The following BCLAF1 variants were observed in gnomAD, a reference collection of about 807,000 sequenced individuals.
BCLAF1 encodes the protein bcl-2-associated transcription factor 1.
Under a neutral mutation model 99.5 loss-of-function variants are expected in BCLAF1, and 10 were observed. The observed-to-expected ratio is 0.10, with a 90% confidence interval of 0.06 to 0.17. The LOEUF (loss-of-function observed/expected upper bound fraction) is 0.17, where lower values mean the gene tolerates loss of function less well. BCLAF1 is among the 10% of genes least tolerant of loss of function. The pLI is 1.00. For missense variants in BCLAF1, 636 were observed against 1,105.8 expected (o/e 0.58, Z 6.02); for synonymous variants, 255 against 370.9 (o/e 0.69, Z 3.59).
At chr6:136,266,224 C>A (rs1781696236) in intron 11 of BCLAF1, among the ~76,000 whole-genome samples, 1 of 152,064 alleles carries the variant, frequency 6.6e-6, no homozygotes, top group Non-Finnish European at 1.5e-5. Context: ...AAAAAGCCAA[C>A]TGAAAAAGTC....
chr6:136,279,670 T>C (rs1270797632), intron 3 of BCLAF1, 93 bp downstream of exon 3: 5 of 1,205,184 alleles, frequency 4.1e-6, no homozygotes, highest in Non-Finnish European at 5.3e-6. Flanking sequence ...GAGAATAAAA[T>C]ACATTTTGGG....
chr6:136,278,651 C>A lies in BCLAF1; in HGVS notation c.230G>T (p.Gly77Val). ...TCCTCCTCCTTGATAATACCCTCTACCCCTTCCTCTGTACCCATAAGGTCG... is the reference window on the plus strand; with the variant it reads ...TCCTCCTCCTTGATAATACCCTCTAACCCTTCCTCTGTACCCATAAGGTCG... Reference protein sequence around the residue: ...MRRPYGYRGRGRGYYQGGGGR... With the variant: ...MRRPYGYRGRVRGYYQGGGGR... Residue 77 changes from glycine (G) to valine (V), a missense_variant, in exon 4 of 13, where the codon GGT (glycine) becomes GTT (valine). Gly to Val is a moderately radical substitution (Grantham distance 109, BLOSUM62 -3). Around this residue, in one of 9 missense-constraint regions of BCLAF1, gnomAD observed 81 missense variants for 132.5 expected, o/e 0.61. Coordinates refer to ENST00000531224, the MANE Select transcript of BCLAF1 (RefSeq NM_014739.3). 4.3e-6 allele frequency: 7 copies of A among 1,613,402 alleles called. No individual in the cohort carries two copies. Among genetic ancestry groups the A allele is most frequent in the Non-Finnish European group, 5.9e-6 (7 of 1,179,870 alleles).
chr6:136,272,578 A>AT (rs1238236178), intron 7 of BCLAF1, among the ~76,000 whole-genome samples: 3 of 151,926 alleles, frequency 2.0e-5, no homozygotes, highest in Non-Finnish European at 2.9e-5. Flanking sequence ...TTCATAGCCA[A>AT]TATCACTGTC....
In BCLAF1 at chr6:136,261,410, C is replaced by T. The variant is rs766033385; in HGVS notation, c.2612G>A (p.Arg871His). The T allele has an allele frequency of 3.1e-6, 5 of 1,613,716 alleles. No individual in the cohort carries two copies. The highest frequency in any genetic ancestry group is 1.3e-5 in the African/African-American group (1 of 74,882). The change falls in exon 12 of 13, where the codon CGT becomes CAT. Residue 871 changes from arginine (R) to histidine (H), a missense_variant. Arg to His is a conservative substitution (Grantham distance 29). Coordinates refer to ENST00000531224, the MANE Select transcript of BCLAF1 (RefSeq NM_014739.3). ...KRGRGRGTFQ[R>H]GRGRFNFKKS... is the part of the protein sequence containing the mutation. Reference sequence around the variant, plus strand: ...TTTGAAGTTAAAGCGCCCTCTGCCACGTTGAAAAGTACCACGACCTCTTCC... The same window carrying T: ...TTTGAAGTTAAAGCGCCCTCTGCCATGTTGAAAAGTACCACGACCTCTTCC...
Position 136,271,498 on chromosome 6 carries a change from G to A in BCLAF1, c.2043+497C>T, listed in dbSNP as rs115278438. On this transcript the variant is annotated intron_variant, in intron 8 of 12. Coordinates refer to ENST00000531224, the MANE Select transcript of BCLAF1 (RefSeq NM_014739.3). ...TTCCCCCAATCCCCAAACATTCCAA[G>A]AGTGACAAGTCTTTGTTCCAAACGT... Among the ~76,000 whole-genome samples the A allele has an allele frequency of 4.8e-3, 730 of 151,866 alleles. 7 individuals are homozygous for A. The highest frequency in any genetic ancestry group is 0.017 in the African/African-American group (696 of 41,468).
At chr6:136,284,829 T>A (rs1784904664) in intron 1 of BCLAF1, among the ~76,000 whole-genome samples, 1 of 151,064 alleles carries the variant, frequency 6.6e-6, no homozygotes, top group Non-Finnish European at 1.5e-5. Flanking sequence ...AGTGCCACAT[T>A]GGAGGGGGGG....
At chr6:136,266,342 C>G in intron 11 of BCLAF1, among the ~76,000 whole-genome samples, 1 of 152,174 alleles carries the variant, frequency 6.6e-6, no homozygotes, top group Non-Finnish European at 1.5e-5. Context: ...AAAATGAATA[C>G]TTCTGGTAAT....
chr6:136,284,781 G>C (rs1048473658), intron 1 of BCLAF1, among the ~76,000 whole-genome samples: 4 of 152,038 alleles, frequency 2.6e-5, no homozygotes, highest in Non-Finnish European at 5.9e-5. Flanking sequence ...TTTCAGAGAG[G>C]GGAAGACAGA....
At chr6:136,287,509 A>C (rs890939124) in intron 1 of BCLAF1, among the ~76,000 whole-genome samples, 1 of 152,204 alleles carries the variant, frequency 6.6e-6, no homozygotes, top group Non-Finnish European at 1.5e-5. Flanking sequence ...ACAAGTACCC[A>C]GAGATTTTAG....
chr6:136,264,983 T>C (rs1226881317), intron 11 of BCLAF1, among the ~76,000 whole-genome samples: 2 of 152,224 alleles, frequency 1.3e-5, no homozygotes, highest in East Asian at 3.8e-4. Context: ...AATGAGTATG[T>C]ACTTGTTAAG....
At chr6:136,279,921 T>C in intron 2 of BCLAF1, 45 bp from the exon 3 acceptor site, 1 of 1,373,952 alleles carries the variant, frequency 7.3e-7, no homozygotes, top group Non-Finnish European at 9.5e-7. Flanking sequence ...TACAATATGA[T>C]ATTTAAAATT....
intron 3 of BCLAF1, 62 bp from the exon 4 acceptor site, chr6:136,278,838 A>C: frequency 7.3e-7 from 1 of 1,375,980 alleles, no homozygotes; most frequent in Non-Finnish European, 9.5e-7. Flanking sequence ...CATTCTAAAT[A>C]CTCTGGTTGA....
At chr6:136,268,824 T>A (rs1294126625) in intron 9 of BCLAF1, among the ~76,000 whole-genome samples, 1 of 151,722 alleles carries the variant, frequency 6.6e-6, no homozygotes, top group Non-Finnish European at 1.5e-5. Context: ...ACAAACAAAA[T>A]CCACCATTTA....
chr6:136,289,751 T>C lies in BCLAF1; in HGVS notation c.-153A>G, dbSNP rs1436106949. The C allele has an allele frequency of 6.5e-6, 1 of 152,764 alleles. No homozygotes were observed. The highest frequency in any genetic ancestry group is 1.5e-5 in the Non-Finnish European group (1 of 68,122). The allele number at this position is 152,764 out of a possible 1,614,324, so 9.5% of individuals were successfully genotyped here. On this transcript the variant is annotated 5_prime_UTR_variant, in exon 1 of 13. Coordinates refer to ENST00000531224, the MANE Select transcript of BCLAF1 (RefSeq NM_014739.3). ...TCGCGGTTCCGGGAATTTATCTCCG[T>C]TGCAACCACACAGCGGCCATTTCCC...
At chr6:136,266,989 A>C (rs774005725) in intron 11 of BCLAF1, 40 bp downstream of exon 11, 1 of 1,608,276 alleles carries the variant, frequency 6.2e-7, no homozygotes. Flanking sequence ...TGCTTCGAAA[A>C]TTAATGCAAA....
intron 3 of BCLAF1, 122 bp from the exon 4 acceptor site, chr6:136,278,898 A>C (rs1352863397): frequency 1.0e-6 from 1 of 988,966 alleles, no homozygotes; most frequent in East Asian, 2.7e-5. Flanking sequence ...TTTTTAAAAA[A>C]CTCATCTGTA....
Position 136,258,734 on chromosome 6 carries a change from T to C in BCLAF1, c.*2376A>G, listed in dbSNP as rs1385213164. The C allele has an allele frequency of 6.6e-6, 1 of 152,480 alleles. No individual in the cohort carries two copies. The highest frequency in any genetic ancestry group is 1.5e-5 in the Non-Finnish European group (1 of 67,916). The allele number at this position is 152,480 out of a possible 1,614,324, so 9.4% of individuals were successfully genotyped here. On this transcript the variant is annotated 3_prime_UTR_variant, in exon 13 of 13. Coordinates refer to ENST00000531224, the MANE Select transcript of BCLAF1 (RefSeq NM_014739.3). ...CTCAAATTATAATTCCCAACACTGATTTTACCTGTGACAAAAGGAACAATA... is the reference window on the plus strand; with the variant it reads ...CTCAAATTATAATTCCCAACACTGACTTTACCTGTGACAAAAGGAACAATA...
Position 136,279,280 on chromosome 6 carries a change from T to G in BCLAF1, c.104+483A>C, listed in dbSNP as rs1458119066. On this transcript the variant is annotated intron_variant, in intron 3 of 12. Coordinates refer to ENST00000531224, the MANE Select transcript of BCLAF1 (RefSeq NM_014739.3). ...AATTCTTAATGGTATTATGGTCATT[T>G]GTATTTTCAACTTCTGGTTTCTGTT... 3.9e-5 allele frequency among the ~76,000 whole-genome samples: 6 copies of G among 152,180 alleles called. No homozygotes were observed. The East Asian group carries it at 1.2e-3, about 29-fold the overall frequency.
chr6:136,281,996 T>C (rs1489869611), intron 2 of BCLAF1, among the ~76,000 whole-genome samples: 3 of 152,192 alleles, frequency 2.0e-5, no homozygotes, highest in African/African-American at 4.8e-5. Flanking sequence ...ATCAAATAGT[T>C]AGCAGTCCAA....
Sources: gnomAD v4.1 joint callset for allele counts (sites outside exome capture counted in the v4.1 genomes callset) on GRCh38, gnomAD v4.1.1 for gene constraint, gnomAD v4.1.1 regional missense constraint, MANE v1.5 for transcripts, NCBI Gene and HGNC (gene_info 2026-07-23, HGNC 2026-07-21) for gene names.